The following NPEPL1 variants were observed in gnomAD, a reference collection of about 807,000 sequenced individuals.
The protein encoded by NPEPL1 is probable aminopeptidase NPEPL1.
NPEPL1 carries 45 observed loss-of-function variants against 52.4 expected under a neutral mutation model. The observed-to-expected ratio is 0.86, with a 90% CI of 0.68 to 1.10. The LOEUF (loss-of-function observed/expected upper bound fraction) is 1.10, where lower values mean the gene tolerates loss of function less well. Among genes scored for constraint, NPEPL1 ranks in the 50% least tolerant of loss-of-function variants. NPEPL1 has a pLI of 0.00. For missense variants in NPEPL1, 696 were observed against 710.9 expected (o/e 0.98, Z 0.24); for synonymous variants, 360 against 314.7 (o/e 1.14, Z -1.52).
chr20:58,691,015 C>T (rs1037391294), upstream of NPEPL1: 5 of 688,470 alleles, frequency 7.3e-6, no homozygotes, highest in Non-Finnish European at 1.3e-5. Flanking sequence ...ACATATTCTG[C>T]GTCTGTGTTT....
chr20:58,703,574 CTTG>C (rs1355959051), intron 6 of NPEPL1: 13 of 985,138 alleles, frequency 1.3e-5, no homozygotes, highest in Non-Finnish European at 1.6e-5. Flanking sequence ...TTGATGTCGG[CTTG>C]TTGTGGACCA....
At chr20:58,712,689 G>A (rs192974583) in intron 8 of NPEPL1, 110 bp downstream of exon 8, 3 of 818,478 alleles carry the variant, frequency 3.7e-6, no homozygotes, top group African/African-American at 1.7e-5. Context: ...CAGCGTTGGG[G>A]TCCCCTGGGC....
In NPEPL1 at chr20:58,715,328, C is replaced by T. The variant is rs1235340686; in HGVS notation, c.*2C>T. On this transcript the variant is annotated 3_prime_UTR_variant, in exon 12 of 12. Coordinates refer to ENST00000356091, the MANE Select transcript of NPEPL1 (RefSeq NM_024663.4). ...TCCAAGAGACGCAGGCTTGTGTGAG[C>T]CTCCTGCCTCGGCCCTGACAAACGG... 3 of 1,600,406 alleles carry T rather than the reference C, an allele frequency of 1.9e-6. No individual in the cohort carries two copies. Among genetic ancestry groups the T allele is most frequent in the Non-Finnish European group, 2.6e-6 (3 of 1,172,976 alleles).
chr20:58,692,806 G>A lies in NPEPL1; in HGVS notation c.-95G>A, dbSNP rs970956061. On this transcript the variant is annotated 5_prime_UTR_variant, in exon 1 of 12. Transcript: ENST00000356091. This position sits in a 1 kb window ranked among gnomAD's most constrained non-coding sequence, Gnocchi z 5.7. ...GGCCCGCGGGCTGCCGGGCAGGGCC[G>A]GGGCGGTGCCGAGGCCGGGCCGGAG... 126 of 973,414 alleles carry A rather than the reference G, an allele frequency of 1.3e-4. No homozygotes were observed. The African/African-American group carries it at 2.1e-3, about 16-fold the overall frequency. The allele number at this position is 973,414 out of a possible 1,614,324, so 60.3% of individuals were successfully genotyped here.
intron 6 of NPEPL1, among the ~76,000 whole-genome samples, chr20:58,706,482 T>C (rs1224731945): frequency 6.6e-6 from 1 of 152,140 alleles, no homozygotes; most frequent in Non-Finnish European, 1.5e-5. Context: ...GGCCCTGTTC[T>C]GGGGGGCGAC....
Position 58,713,594 on chromosome 20 carries a change from C to A in NPEPL1, c.1125+51C>A. 6.6e-7 allele frequency: 1 copy of A among 1,521,618 alleles called. No homozygotes were observed. Among genetic ancestry groups the A allele is most frequent in the East Asian group, 2.4e-5 (1 of 42,354 alleles). 94.3% of individuals were successfully genotyped at this position (1,521,618 alleles called of 1,614,324 possible). ...TAGCTGTAGTCCCAGGGAACCCCAC[C>A]CCACTCTTGACCTCAAGGTGGGGAA... On this transcript the variant is annotated intron_variant, in intron 9 of 11. Coordinates refer to ENST00000356091, the MANE Select transcript of NPEPL1 (RefSeq NM_024663.4). This position sits in a 1 kb window ranked among gnomAD's most constrained non-coding sequence, Gnocchi z 4.6.
At chr20:58,710,197 G>C (rs1417410986) in intron 7 of NPEPL1, among the ~76,000 whole-genome samples, 3 of 151,960 alleles carry the variant, frequency 2.0e-5, no homozygotes, top group Non-Finnish European at 4.4e-5. Context: ...ACCACCCTTG[G>C]CTAATTTTTG....
chr20:58,713,924 C>T lies in NPEPL1; in HGVS notation c.1133C>T (p.Ala378Val). 2 of 1,480,112 alleles carry T rather than the reference C, an allele frequency of 1.4e-6. No homozygotes were observed. The highest frequency in any genetic ancestry group is 1.8e-6 in the Non-Finnish European group (2 of 1,118,944). 91.7% of individuals were successfully genotyped at this position (1,480,112 alleles called of 1,614,324 possible). A position where few individuals can be genotyped will look rare whatever the true frequency, so the allele number is the denominator to read the frequency against. ...GGGTTCCTGCCCGCCCAGGGCATTGCCACAGGGAAGTACCACGCCGCGGTG... is the reference window on the plus strand; with the variant it reads ...GGGTTCCTGCCCGCCCAGGGCATTGTCACAGGGAAGTACCACGCCGCGGTG... ...MATLTGAQGIATGKYHAAVLT... is the reference protein window; with the variant it reads ...MATLTGAQGIVTGKYHAAVLT... The change falls in exon 10 of 12, where the codon GCC becomes GTC. Residue 378 changes from alanine (A) to valine (V), a missense_variant. Coordinates refer to ENST00000356091, the MANE Select transcript of NPEPL1 (RefSeq NM_024663.4). The surrounding 1 kb of genome is among the most constrained non-coding windows in gnomAD (Gnocchi z 4.6).
intron 7 of NPEPL1, chr20:58,711,027 G>T (rs568676203): frequency 6.6e-6 from 1 of 151,260 alleles, no homozygotes; most frequent in African/African-American, 2.4e-5. Flanking sequence ...CTCCCTGGGA[G>T]GCTGAAAGCA....
At chr20:58,690,710 T>C (rs193187926), upstream of NPEPL1, among the ~76,000 whole-genome samples, 1 of 152,242 alleles carries the variant, frequency 6.6e-6, no homozygotes, top group South Asian at 2.1e-4. Context: ...TTGGTTGAAT[T>C]GAATCATTTT....
At chr20:58,706,936 C>A (rs1234020697) in intron 6 of NPEPL1, among the ~76,000 whole-genome samples, 187 bp from the exon 7 acceptor site, 1 of 152,136 alleles carries the variant, frequency 6.6e-6, no homozygotes, top group African/African-American at 2.4e-5. Flanking sequence ...CTGGAGAACA[C>A]CCCACTTGGC....
Position 58,701,066 on chromosome 20 carries a change from C to G in NPEPL1, c.730C>G (p.Leu244Val). ...AALHPPALAV[L>V]SHTPDGATQT... ...CCTGCATCCCCCAGCCCTGGCCGTCCTCAGCCACACCCCAGATGGAGCCAC... is the reference window on the plus strand; with the variant it reads ...CCTGCATCCCCCAGCCCTGGCCGTCGTCAGCCACACCCCAGATGGAGCCAC... The change falls in exon 6 of 12, where the codon CTC becomes GTC. Residue 244 changes from leucine to valine, a missense_variant. Leu to Val is a conservative substitution (Grantham distance 32, BLOSUM62 1). Coordinates refer to ENST00000356091, the MANE Select transcript of NPEPL1 (RefSeq NM_024663.4). The G allele has an allele frequency of 6.3e-7, 1 of 1,596,082 alleles. No homozygotes were observed. Among genetic ancestry groups the G allele is most frequent in the Non-Finnish European group, 8.5e-7 (1 of 1,172,284 alleles).
At chr20:58,689,475 G>A (rs1019574376), upstream of NPEPL1, among the ~76,000 whole-genome samples, 1 of 152,078 alleles carries the variant, frequency 6.6e-6, no homozygotes, top group Non-Finnish European at 1.5e-5. Context: ...TGGCCAGGCT[G>A]GTCTCAAACT....
intron 3 of NPEPL1, among the ~76,000 whole-genome samples, chr20:58,694,806 A>G (rs1346409989): frequency 6.6e-6 from 1 of 152,206 alleles, no homozygotes; most frequent in African/African-American, 2.4e-5. Flanking sequence ...ATTCTGTTGT[A>G]TACAGGCAGT....
intron 3 of NPEPL1, among the ~76,000 whole-genome samples, chr20:58,695,313 C>CATGAGTGGTGTGTGT (rs2084462837): frequency 2.0e-5 from 3 of 152,268 alleles, no homozygotes. Flanking sequence ...CTAGTGTGTG[C>CATGAGTGGTGTGTGT]ATGAGTGGTG....
chr20:58,695,030 G>GTGTGTT (rs1568847541), intron 3 of NPEPL1, among the ~76,000 whole-genome samples: 126 of 2,918 alleles, frequency 0.043, no homozygotes, highest in Middle Eastern at 0.071. Flanking sequence ...TGTGTGTGTG[G>GTGTGTT]TATGTGTTGC....
At chr20:58,707,375 C>A (rs990410265) in intron 7 of NPEPL1, among the ~76,000 whole-genome samples, 175 bp downstream of exon 7, 2 of 152,240 alleles carry the variant, frequency 1.3e-5, no homozygotes, top group Non-Finnish European at 2.9e-5. Context: ...AGCTTCCCGC[C>A]TTCATCAGAG....
At chr20:58,711,096 T>TCCCCCTCCCCCC (rs2084828910) in intron 7 of NPEPL1, 1 of 43,078 alleles carries the variant, frequency 2.3e-5, no homozygotes, top group Non-Finnish European at 4.1e-5. Context: ...CCTCCTCTCC[T>TCCCCCTCCCCCC]CCTCCTCCTC....
chr20:58,713,628 G>T lies in NPEPL1; in HGVS notation c.1125+85G>T. On this transcript the variant is annotated intron_variant, in intron 9 of 11. Coordinates refer to ENST00000356091, the MANE Select transcript of NPEPL1 (RefSeq NM_024663.4). This position sits in a 1 kb window ranked among gnomAD's most constrained non-coding sequence, Gnocchi z 4.6. The stretch of plus-strand genomic sequence containing the variant: ...GACCTCAAGGTGGGGAAGGCAGCGC[G>T]TGGGGGCTGCCGTCAGGAAGTTTTC... The T allele has an allele frequency of 4.9e-6, 7 of 1,439,504 alleles. No individual in the cohort carries two copies. The highest frequency in any genetic ancestry group is 6.4e-6 in the Non-Finnish European group (7 of 1,088,740). 89.2% of individuals were successfully genotyped at this position (1,439,504 alleles called of 1,614,324 possible). A position where few individuals can be genotyped will look rare whatever the true frequency, so the allele number is the denominator to read the frequency against.
Sources: allele counts gnomAD v4.1 joint callset (sites outside exome capture counted in the v4.1 genomes callset), GRCh38; gene constraint gnomAD v4.1.1; non-coding constraint Gnocchi (gnomAD v3.1); transcripts MANE v1.5; gene names NCBI Gene and HGNC (gene_info 2026-07-23, HGNC 2026-07-21).